The following EXOC4 variants were observed in gnomAD, a reference collection of about 807,000 sequenced individuals.
The protein encoded by EXOC4 is SEC8-like 1.
A neutral mutation model predicts 107.2 loss-of-function variants in EXOC4; 71 were observed. The observed-to-expected ratio is 0.66, with a 90% confidence interval of 0.55 to 0.81. The LOEUF is 0.81. Ranked by LOEUF, EXOC4 falls within the 30% of genes least tolerant of loss-of-function variation. The pLI, the probability that EXOC4 is intolerant of heterozygous loss-of-function variation, is 0.00. For missense variants in EXOC4, 1,108 were observed against 1,189.6 expected (o/e 0.93, Z 1.01); for synonymous variants, 456 against 441.2 (o/e 1.03, Z -0.42).
the EXOC4 span, among the ~76,000 whole-genome samples, chr7:134,075,241 A>G: frequency 1.3e-5 from 2 of 152,200 alleles, no homozygotes; most frequent in Admixed American, 1.3e-4. Context: ...GATGGTGTAT[A>G]AGTGCATTAT....
At chr7:133,577,558 G>T (rs1197326746) in intron 9 of EXOC4, among the ~76,000 whole-genome samples, 1 of 152,174 alleles carries the variant, frequency 6.6e-6, no homozygotes, top group Non-Finnish European at 1.5e-5. Flanking sequence ...AGTTAAGTCA[G>T]AGTATGGAGA....
intron 11 of EXOC4, among the ~76,000 whole-genome samples, chr7:133,886,858 T>A (rs1032909870): frequency 6.6e-6 from 1 of 152,204 alleles, no homozygotes; most frequent in African/African-American, 2.4e-5. Flanking sequence ...ATTTGGAAAT[T>A]GTTATAAATT....
chr7:133,991,084 A>G (rs1341711579), intron 14 of EXOC4, among the ~76,000 whole-genome samples: 1 of 152,058 alleles, frequency 6.6e-6, no homozygotes, highest in Non-Finnish European at 1.5e-5. Context: ...CCTCACCAGC[A>G]TTTGTCTTTT....
intron 6 of EXOC4, among the ~76,000 whole-genome samples, chr7:133,373,319 C>A (rs1796416964): frequency 6.6e-6 from 1 of 152,042 alleles, no homozygotes. Context: ...TGAATTTGAC[C>A]TTTAAGGATT....
chr7:133,343,984 AT>A (rs1234462903), intron 5 of EXOC4, among the ~76,000 whole-genome samples: 1 of 151,136 alleles, frequency 6.6e-6, no homozygotes, highest in Non-Finnish European at 1.5e-5. Flanking sequence ...CAACTTTTTT[AT>A]TTTTGTTTTT....
chr7:133,705,492 G>A (rs1307561848), intron 10 of EXOC4, among the ~76,000 whole-genome samples: 1 of 152,178 alleles, frequency 6.6e-6, no homozygotes, highest in African/African-American at 2.4e-5. Context: ...AAATATAGTA[G>A]TTCCTCCTTA....
At position 133,634,469 on chromosome 7, in the gene EXOC4, A is replaced by G. The variant is rs1212278202; in HGVS notation, c.1514+4328A>G. ...ACCTTTAATGAATGTTTTTAATGAT[A>G]GTTTTTTTTTTGTTTGTTTTTGTTT... On this transcript the variant is annotated intron_variant, in intron 10 of 17. Transcript: ENST00000253861. Among the ~76,000 whole-genome samples, 2 of 151,546 alleles carry G rather than the reference A, an allele frequency of 1.3e-5. 1 individual carries two copies. The highest frequency in any genetic ancestry group is 2.9e-5 in the Non-Finnish European group (2 of 67,840).
At chr7:133,694,277 A>C (rs1794485663) in intron 10 of EXOC4, among the ~76,000 whole-genome samples, 1 of 151,282 alleles carries the variant, frequency 6.6e-6, no homozygotes, top group Non-Finnish European at 1.5e-5. Context: ...AAAAAAAAAA[A>C]AAATTGTTAT....
chr7:133,402,131 T>A lies in EXOC4; in HGVS notation c.1182+27129T>A, dbSNP rs576664690. ...AATAAATGTGTGGTAGAAATGAAAA[T>A]TTTCTTGCGGAAAGTATTTAAAACA... On this transcript the variant is annotated intron_variant, in intron 7 of 17. Transcript: ENST00000253861. 4.5e-4 allele frequency among the ~76,000 whole-genome samples: 69 copies of A among 152,274 alleles called. 2 individuals carry two copies. The South Asian group carries it at 0.014, about 31-fold the overall frequency.
At chr7:133,436,641 G>A (rs1797982489) in intron 7 of EXOC4, among the ~76,000 whole-genome samples, 1 of 152,050 alleles carries the variant, frequency 6.6e-6, no homozygotes, top group Non-Finnish European at 1.5e-5. Context: ...GAAATAATCA[G>A]CCTCTTTAAG....
intron 6 of EXOC4, 42 bp downstream of exon 6, chr7:133,356,615 T>C (rs1359377475): frequency 6.2e-7 from 1 of 1,605,904 alleles, no homozygotes; most frequent in Non-Finnish European, 8.5e-7. Flanking sequence ...ACTCTATTTA[T>C]TGCACATTTT....
At chr7:133,893,957 A>G (rs532843404) in intron 11 of EXOC4, among the ~76,000 whole-genome samples, 1 of 91,086 alleles carries the variant, frequency 1.1e-5, no homozygotes, top group African/African-American at 9.9e-5. Context: ...GTATTTCCTG[A>G]ATCTGAACGT....
intron 13 of EXOC4, among the ~76,000 whole-genome samples, chr7:133,921,243 G>T (rs1799928973): frequency 6.6e-6 from 1 of 152,186 alleles, no homozygotes; most frequent in Admixed American, 6.5e-5. Flanking sequence ...CTAGCATACA[G>T]AGAATGAATT....
At chr7:133,713,359 C>G (rs1794933536) in intron 10 of EXOC4, among the ~76,000 whole-genome samples, 1 of 152,120 alleles carries the variant, frequency 6.6e-6, no homozygotes, top group Non-Finnish European at 1.5e-5. Context: ...TATTCTTTGA[C>G]TTACCAATTA....
At chr7:133,971,336 A>ATG (rs1801218436) in intron 14 of EXOC4, among the ~76,000 whole-genome samples, 1 of 68,834 alleles carries the variant, frequency 1.5e-5, no homozygotes, top group Non-Finnish European at 2.9e-5. Context: ...GAAAATGTGT[A>ATG]TATATATATA....
At chr7:133,760,168 CA>C (rs1305292262) in intron 10 of EXOC4, among the ~76,000 whole-genome samples, 4 of 152,144 alleles carry the variant, frequency 2.6e-5, no homozygotes, top group Non-Finnish European at 4.4e-5. Flanking sequence ...AAGGATATAG[CA>C]AGTTGTATAG....
chr7:133,795,505 G>T (rs976744468), intron 10 of EXOC4, among the ~76,000 whole-genome samples: 1 of 152,152 alleles, frequency 6.6e-6, no homozygotes, highest in South Asian at 2.1e-4. Flanking sequence ...GGAACACGGG[G>T]CTGTATGCAA....
At chr7:133,258,517 C>A (rs1444323452) in intron 1 of EXOC4, among the ~76,000 whole-genome samples, 2 of 152,130 alleles carry the variant, frequency 1.3e-5, no homozygotes, top group Non-Finnish European at 2.9e-5. Context: ...CTAATACAAT[C>A]TGTGTTTTTT....
At chr7:133,375,479 A>T (rs1297287286) in intron 7 of EXOC4, among the ~76,000 whole-genome samples, 1 of 152,194 alleles carries the variant, frequency 6.6e-6, no homozygotes, top group Non-Finnish European at 1.5e-5. Context: ...TCTAAACAAA[A>T]AAAACCTTTT....
Sources: allele counts gnomAD v4.1 joint callset (sites outside exome capture counted in the v4.1 genomes callset), GRCh38; gene constraint gnomAD v4.1.1; transcripts MANE v1.5; gene names NCBI Gene and HGNC (gene_info 2026-07-23, HGNC 2026-07-21).